The following RAB2A variants were observed in gnomAD, a reference collection of about 807,000 sequenced individuals.
The protein encoded by RAB2A is RAB2A, member RAS oncogene family, also known as ras-related protein Rab-2A.
In RAB2A, 7 loss-of-function variants were observed where a neutral mutation model predicts 32.5. The ratio of observed to expected loss-of-function variants is 0.22; its 90% confidence interval spans 0.12 to 0.40. The LOEUF is 0.40. RAB2A is among the 10% of genes least tolerant of loss of function. The probability of loss-of-function intolerance (pLI) is 1.00; values close to 1 mark genes in which losing one functional copy is unlikely to be tolerated. For missense variants in RAB2A, 108 were observed against 260.7 expected (o/e 0.41, Z 4.03); for synonymous variants, 79 against 85.2 (o/e 0.93, Z 0.40).
At position 60,621,395 on chromosome 8, in the gene RAB2A, T is replaced by C. The variant is rs1366816945; in HGVS notation, c.*626T>C. 1.3e-5 allele frequency: 2 copies of C among 152,234 alleles called. No homozygotes were observed. Among genetic ancestry groups the C allele is most frequent in the African/African-American group, 4.8e-5 (2 of 41,472 alleles). 9.4% of individuals were successfully genotyped at this position (152,234 alleles called of 1,614,324 possible). ...TTTTTGACATTGTTAACAAGCATGTTCATCTTTTCTTGTCACTAGTCCAAG... is the reference window on the plus strand; with the variant it reads ...TTTTTGACATTGTTAACAAGCATGTCCATCTTTTCTTGTCACTAGTCCAAG... On this transcript the variant is annotated 3_prime_UTR_variant, in exon 8 of 8. Coordinates refer to ENST00000262646, the MANE Select transcript of RAB2A (RefSeq NM_002865.3).
chr8:60,609,382 G>GTGTT (rs1186723152), intron 6 of RAB2A, among the ~76,000 whole-genome samples: 1 of 152,100 alleles, frequency 6.6e-6, no homozygotes, highest in Non-Finnish European at 1.5e-5. Context: ...CCTTATTCCT[G>GTGTT]TGTTGTCCTG....
At chr8:60,569,732 C>G (rs1328731129) in intron 2 of RAB2A, among the ~76,000 whole-genome samples, 7 of 152,140 alleles carry the variant, frequency 4.6e-5, no homozygotes, top group African/African-American at 7.2e-5. Context: ...AGGCTAGTTT[C>G]AAATTCCTAG....
At chr8:60,521,440 T>C (rs766735567) in intron 1 of RAB2A, among the ~76,000 whole-genome samples, 1 of 152,184 alleles carries the variant, frequency 6.6e-6, no homozygotes, top group African/African-American at 2.4e-5. Flanking sequence ...TACAAGGTTA[T>C]GTAGGGAAGA....
chr8:60,615,161 A>G (rs1227111172), intron 6 of RAB2A, among the ~76,000 whole-genome samples: 1 of 152,224 alleles, frequency 6.6e-6, no homozygotes, highest in Non-Finnish European at 1.5e-5. Flanking sequence ...AAAGAGATGT[A>G]CATAAGCAAA....
At chr8:60,576,204 A>C (rs1421560007) in intron 3 of RAB2A, 2 of 456,182 alleles carry the variant, frequency 4.4e-6, no homozygotes, top group Non-Finnish European at 8.8e-6. Flanking sequence ...TAAAAGCCAA[A>C]GCCAAACTGT....
intron 1 of RAB2A, among the ~76,000 whole-genome samples, chr8:60,549,787 CAA>C (rs1230787374): frequency 6.6e-6 from 1 of 150,586 alleles, no homozygotes; most frequent in Admixed American, 6.6e-5. Flanking sequence ...AAAGTAGCAA[CAA>C]TAACAAAAAT....
intron 5 of RAB2A, among the ~76,000 whole-genome samples, chr8:60,588,948 G>A (rs1242754649): frequency 1.3e-5 from 2 of 152,166 alleles, no homozygotes; most frequent in Admixed American, 6.5e-5. Flanking sequence ...ACTTCTTTGT[G>A]TAGAGAAGAA....
intron 6 of RAB2A, among the ~76,000 whole-genome samples, chr8:60,600,075 A>AAC (rs1801339312): frequency 6.6e-6 from 1 of 152,118 alleles, no homozygotes; most frequent in Non-Finnish European, 1.5e-5. Flanking sequence ...GTAAAAAAAA[A>AAC]AAAAACAATG....
intron 3 of RAB2A, among the ~76,000 whole-genome samples, chr8:60,575,597 T>A (rs1400981451): frequency 2.0e-5 from 3 of 152,018 alleles, no homozygotes; most frequent in Non-Finnish European, 4.4e-5. Context: ...ATGTTATTAT[T>A]TGTTTTATCA....
At chr8:60,558,513 C>G (rs1277790130) in intron 1 of RAB2A, 1 of 496,114 alleles carries the variant, frequency 2.0e-6, no homozygotes, top group African/African-American at 1.9e-5. Flanking sequence ...AATATTTTCA[C>G]TGTAACACAA....
At chr8:60,607,154 G>T (rs1302702567) in intron 6 of RAB2A, among the ~76,000 whole-genome samples, 4 of 148,182 alleles carry the variant, frequency 2.7e-5, no homozygotes, top group African/African-American at 9.9e-5. Context: ...TTTGGGCCGG[G>T]CACAGTGGCT....
At chr8:60,565,612 T>C (rs1808098037) in intron 2 of RAB2A, among the ~76,000 whole-genome samples, 1 of 150,024 alleles carries the variant, frequency 6.7e-6, no homozygotes, top group Non-Finnish European at 1.5e-5. Context: ...GCCAAGAAGT[T>C]AGAATAATAG....
chr8:60,541,287 C>A (rs912305923), intron 1 of RAB2A, among the ~76,000 whole-genome samples: 1 of 115,112 alleles, frequency 8.7e-6, no homozygotes, highest in South Asian at 3.1e-4. Context: ...CAAGAGGAAC[C>A]TTAAAGAAGG....
chr8:60,576,346 C>T (rs1451233125), intron 3 of RAB2A: 7 of 442,474 alleles, frequency 1.6e-5, no homozygotes, highest in East Asian at 1.4e-4. Context: ...CCTTGTTCTG[C>T]TCTTGTTCTT....
chr8:60,544,280 T>A (rs1807693697), intron 1 of RAB2A, among the ~76,000 whole-genome samples: 1 of 151,596 alleles, frequency 6.6e-6, no homozygotes, highest in African/African-American at 2.4e-5. Flanking sequence ...CCTCAAGTGA[T>A]CTGCCCACCT....
intron 3 of RAB2A, among the ~76,000 whole-genome samples, chr8:60,579,330 A>AC (rs1189007870): frequency 6.6e-6 from 1 of 152,218 alleles, no homozygotes; most frequent in Non-Finnish European, 1.5e-5. Context: ...GGCGTGAGCC[A>AC]CCACACCCAG....
intron 1 of RAB2A, among the ~76,000 whole-genome samples, chr8:60,548,833 C>A (rs1402888649): frequency 6.6e-6 from 1 of 151,226 alleles, no homozygotes; most frequent in Non-Finnish European, 1.5e-5. Context: ...CCCCCCACCT[C>A]CCTCCCGGAC....
chr8:60,520,652 G>A (rs1041721428), intron 1 of RAB2A, among the ~76,000 whole-genome samples: 5 of 152,124 alleles, frequency 3.3e-5, no homozygotes, highest in Admixed American at 2.6e-4. Context: ...TCTTTTGAGA[G>A]TTTAACAAAT....
At chr8:60,558,684 C>A in intron 1 of RAB2A, 168 bp from the exon 2 acceptor site, 1 of 659,510 alleles carries the variant, frequency 1.5e-6, no homozygotes. Flanking sequence ...CAGCTTCCAC[C>A]TAAATCATCA....
Sources: allele counts gnomAD v4.1 joint callset (sites outside exome capture counted in the v4.1 genomes callset), GRCh38; gene constraint gnomAD v4.1.1; transcripts MANE v1.5; gene names NCBI Gene and HGNC (gene_info 2026-07-23, HGNC 2026-07-21).